Variants in MICAL2 observed in about 807,000 individuals in gnomAD.
MICAL2 encodes the protein [F-actin]-monooxygenase MICAL2.
MICAL2 carries 77 observed loss-of-function variants against 127.3 expected under a neutral mutation model. The observed-to-expected ratio is 0.60, with a 90% CI of 0.50 to 0.73. The LOEUF (loss-of-function observed/expected upper bound fraction) is 0.73. Among genes scored for constraint, MICAL2 ranks in the 30% least tolerant of loss-of-function variants. MICAL2 has a pLI of 0.00. For synonymous variants in MICAL2, 570 were observed against 551.1 expected (o/e 1.03, Z -0.48); for missense variants, 1,351 against 1,434.4 (o/e 0.94, Z 0.94).
At chr11:12,152,148 A>AAAAG (rs1853647028) in intron 2 of MICAL2, among the ~76,000 whole-genome samples, 1 of 149,908 alleles carries the variant, frequency 6.7e-6, no homozygotes. Context: ...AAAAAAAAAA[A>AAAAG]TCAGCTGGGC....
chr11:12,352,637 T>A (rs971332731), intron 33 of MICAL2, among the ~76,000 whole-genome samples: 1 of 152,316 alleles, frequency 6.6e-6, no homozygotes, highest in Non-Finnish European at 1.5e-5. Context: ...TGGAGAAATG[T>A]CTTATTGGTA....
intron 27 of MICAL2, chr11:12,263,169 T>G: frequency 6.6e-6 from 1 of 152,432 alleles, no homozygotes; most frequent in Non-Finnish European, 1.5e-5. Context: ...TGGCTCTTCT[T>G]ATCTCCCTTG....
chr11:12,295,913 A>G (rs181873009), downstream of MICAL2, among the ~76,000 whole-genome samples: 204 of 152,278 alleles, frequency 1.3e-3, 1 homozygote, highest in African/African-American at 4.8e-3. Flanking sequence ...TATGCATATA[A>G]TGTTTTTCCC....
downstream of MICAL2, chr11:12,292,212 C>G (rs1447513812): frequency 3.1e-6 from 5 of 1,613,966 alleles, no homozygotes; most frequent in African/African-American, 6.7e-5. Flanking sequence ...CCTCTTCCTT[C>G]ATCGTCTTCC....
At chr11:12,140,284 C>T (rs1345507591) in intron 2 of MICAL2, among the ~76,000 whole-genome samples, 1 of 152,192 alleles carries the variant, frequency 6.6e-6, no homozygotes, top group Non-Finnish European at 1.5e-5. Flanking sequence ...AGGTGGACTT[C>T]TCCCATTTTA....
At chr11:12,124,343 C>T (rs182524269) in intron 1 of MICAL2, among the ~76,000 whole-genome samples, 21 of 152,254 alleles carry the variant, frequency 1.4e-4, no homozygotes, top group South Asian at 6.2e-4. Context: ...TGATTGAAGC[C>T]GCCCCTAGCC....
chr11:12,338,294 C>T (rs1156573393), intron 32 of MICAL2, among the ~76,000 whole-genome samples: 7 of 151,460 alleles, frequency 4.6e-5, no homozygotes, highest in African/African-American at 1.2e-4. Flanking sequence ...TTTTTTTGTT[C>T]TCCATTTTCT....
chr11:12,149,099 C>T (rs911790327), intron 2 of MICAL2, among the ~76,000 whole-genome samples: 1 of 152,300 alleles, frequency 6.6e-6, no homozygotes, highest in Admixed American at 6.5e-5. Flanking sequence ...GCCCTAAAGA[C>T]CACTGGGCTT....
chr11:12,279,377 G>A (rs149223288), intron 1 of MICAL2, among the ~76,000 whole-genome samples: 115 of 152,286 alleles, frequency 7.6e-4, no homozygotes, highest in African/African-American at 2.4e-3. Flanking sequence ...CAACTGGCTC[G>A]TCAAGTCTTG....
intron 8 of MICAL2, among the ~76,000 whole-genome samples, chr11:12,217,311 G>A (rs769117176): frequency 3.9e-5 from 6 of 152,210 alleles, no homozygotes; most frequent in Non-Finnish European, 5.9e-5. Context: ...GCTGGCAGCC[G>A]TCTGGGTGGC....
At chr11:12,251,526 G>T (rs968470736) in intron 22 of MICAL2, among the ~76,000 whole-genome samples, 1 of 149,454 alleles carries the variant, frequency 6.7e-6, no homozygotes, top group Non-Finnish European at 1.5e-5. Flanking sequence ...GTTGGGAAGG[G>T]CAGGTAGGAG....
intron 25 of MICAL2, chr11:12,259,584 A>G (rs934947456): frequency 2.7e-5 from 12 of 437,168 alleles, no homozygotes; most frequent in Non-Finnish European, 3.2e-5. Flanking sequence ...AGGCATGCAT[A>G]TTTTTGAAGG....
At chr11:12,278,608 G>T (rs1272106555) in intron 1 of MICAL2, among the ~76,000 whole-genome samples, 1 of 152,220 alleles carries the variant, frequency 6.6e-6, no homozygotes, top group East Asian at 1.9e-4. Context: ...TCACAGATCA[G>T]CAGGCCTCGC....
At chr11:12,315,204 A>G (rs1864218999) in intron 29 of MICAL2, among the ~76,000 whole-genome samples, 2 of 152,156 alleles carry the variant, frequency 1.3e-5, no homozygotes, top group African/African-American at 4.8e-5. Flanking sequence ...CTTCAAAGTC[A>G]ATTGTCAGTC....
chr11:12,271,804 C>T (rs796297331), upstream of MICAL2, among the ~76,000 whole-genome samples: 14 of 152,236 alleles, frequency 9.2e-5, no homozygotes, highest in African/African-American at 3.4e-4. Context: ...CCCCATAAAA[C>T]CCAGCACTAG....
At chr11:12,168,283 A>G (rs192672341) in intron 3 of MICAL2, among the ~76,000 whole-genome samples, 2 of 151,672 alleles carry the variant, frequency 1.3e-5, no homozygotes, top group African/African-American at 4.8e-5. Context: ...CCACACACAT[A>G]CACACACGCC....
At chr11:12,185,549 T>C (rs1858124518) in intron 3 of MICAL2, among the ~76,000 whole-genome samples, 1 of 152,276 alleles carries the variant, frequency 6.6e-6, no homozygotes, top group Admixed American at 6.5e-5. Flanking sequence ...CTGAGCTTCC[T>C]AGCAAGTCTC....
chr11:12,114,071 A>C (rs1392388707), intron 1 of MICAL2, among the ~76,000 whole-genome samples: 2 of 152,224 alleles, frequency 1.3e-5, no homozygotes, highest in African/African-American at 2.4e-5. Flanking sequence ...AAAATATTAC[A>C]AACATTTTCA....
chr11:12,150,493 A>G lies in MICAL2; in HGVS notation c.-77-11586A>G, dbSNP rs1853451558. 3.9e-5 allele frequency among the ~76,000 whole-genome samples: 6 copies of G among 151,984 alleles called. No homozygotes were observed. The South Asian group carries it at 1.0e-3, about 26-fold the overall frequency. The stretch of plus-strand genomic sequence containing the variant: ...AGGGGATCTTTGGGGGACAGACTCC[A>G]TCAGATATAGCTGGGTTGCGAGCTG... On this transcript the variant is annotated intron_variant, in intron 2 of 27. Transcript: ENST00000683283.
Sources: gnomAD v4.1 joint callset for allele counts (sites outside exome capture counted in the v4.1 genomes callset) on GRCh38, gnomAD v4.1.1 for gene constraint, MANE v1.5 for transcripts, NCBI Gene and HGNC (gene_info 2026-07-23, HGNC 2026-07-21) for gene names.